The following GFRA1 variants were observed in gnomAD, a reference collection of about 807,000 sequenced individuals.
The protein encoded by GFRA1 is GDNF family receptor alpha-1.
Under a neutral mutation model 51.6 loss-of-function variants are expected in GFRA1, and 16 were observed. The ratio of observed to expected loss-of-function variants is 0.31; its 90% CI spans 0.21 to 0.47. GFRA1 has a LOEUF of 0.47. Among genes scored for constraint, GFRA1 ranks in the 20% least tolerant of loss-of-function variants. The pLI is 1.00. For synonymous variants in GFRA1, 270 were observed against 241.3 expected (o/e 1.12, Z -1.10); for missense variants, 530 against 594.3 (o/e 0.89, Z 1.13).
chr10:116,080,756 G>C (rs1247543869), intron 9 of GFRA1, among the ~76,000 whole-genome samples: 1 of 152,112 alleles, frequency 6.6e-6, no homozygotes, highest in Admixed American at 6.5e-5. Context: ...ACCAACCATG[G>C]GTCACAGGGT....
chr10:116,086,352 G>C (rs1018195757), intron 9 of GFRA1, among the ~76,000 whole-genome samples: 2 of 152,186 alleles, frequency 1.3e-5, no homozygotes, highest in Middle Eastern at 3.2e-3. Context: ...ACACCAAACT[G>C]CATGTGACAT....
chr10:116,097,095 C>G (rs909451369), intron 6 of GFRA1, among the ~76,000 whole-genome samples: 1 of 152,100 alleles, frequency 6.6e-6, no homozygotes, highest in Non-Finnish European at 1.5e-5. Flanking sequence ...TCTGACTAGA[C>G]TTATTTGCAT....
intron 4 of GFRA1, among the ~76,000 whole-genome samples, chr10:116,241,076 C>T (rs1967324038): frequency 6.6e-6 from 1 of 152,042 alleles, no homozygotes; most frequent in Non-Finnish European, 1.5e-5. Flanking sequence ...AAAACAAGCC[C>T]TTAGTTAAGA....
In GFRA1 at chr10:116,058,460, C is replaced by T. The variant is rs1217605597; in HGVS notation, c.*5938G>A. On this transcript the variant is annotated 3_prime_UTR_variant, in exon 11 of 11. Transcript: ENST00000355422. Reference sequence around the variant, plus strand: ...CCTCTGAGGCCCAGAGGAGTGGCTGCCCAAGTGCTCAGAGGTGGCCTTTTA... The same window carrying T: ...CCTCTGAGGCCCAGAGGAGTGGCTGTCCAAGTGCTCAGAGGTGGCCTTTTA... 1 of 152,204 alleles carries T rather than the reference C, an allele frequency of 6.6e-6. No individual in the cohort carries two copies. 9.4% of individuals were successfully genotyped at this position (152,204 alleles called of 1,614,324 possible). A position where few individuals can be genotyped will look rare whatever the true frequency, so the allele number is the denominator to read the frequency against.
intron 9 of GFRA1, among the ~76,000 whole-genome samples, chr10:116,087,539 G>A (rs779442138): frequency 1.3e-5 from 2 of 152,176 alleles, no homozygotes; most frequent in South Asian, 2.1e-4. Flanking sequence ...AACACTGAAC[G>A]CTGCCTCTGC....
chr10:116,186,656 G>A (rs1962750554), intron 5 of GFRA1, among the ~76,000 whole-genome samples: 1 of 151,954 alleles, frequency 6.6e-6, no homozygotes, highest in African/African-American at 2.4e-5. Flanking sequence ...CACATGGGGG[G>A]CGGCGGGAGG....
At chr10:116,248,213 G>C in intron 4 of GFRA1, among the ~76,000 whole-genome samples, 1 of 152,146 alleles carries the variant, frequency 6.6e-6, no homozygotes, top group East Asian at 1.9e-4. Flanking sequence ...AAGAGCAAGG[G>C]AGCAGCCTCA....
intron 4 of GFRA1, among the ~76,000 whole-genome samples, chr10:116,214,426 C>A (rs1448406108): frequency 6.6e-6 from 1 of 152,074 alleles, no homozygotes; most frequent in Admixed American, 6.5e-5. Flanking sequence ...GGAAAGAGGG[C>A]TGGTCTGTCC....
chr10:116,248,081 A>G (rs2134674764), intron 4 of GFRA1, among the ~76,000 whole-genome samples: 1 of 152,312 alleles, frequency 6.6e-6, no homozygotes, highest in East Asian at 1.9e-4. Flanking sequence ...GGTATTTGAC[A>G]TGAGACCAAA....
intron 9 of GFRA1, among the ~76,000 whole-genome samples, chr10:116,089,230 C>T (rs61864911): frequency 0.38 from 57,265 of 151,978 alleles, 13,830 homozygotes; most frequent in Non-Finnish European, 0.56. Flanking sequence ...AGAGCACTTG[C>T]TTTTGCTTCT....
chr10:116,254,906 A>G (rs1215888368), intron 4 of GFRA1, among the ~76,000 whole-genome samples: 1 of 152,198 alleles, frequency 6.6e-6, no homozygotes. Flanking sequence ...CCCTTCCACA[A>G]AAGGATTCTA....
In GFRA1 at chr10:116,269,641, GT is replaced by G. The variant is rs549907424; in HGVS notation, c.335-56del. 3.3e-5 allele frequency: 34 copies of G among 1,041,482 alleles called. No homozygotes were observed. The South Asian group carries it at 3.9e-4, about 12-fold the overall frequency. 64.5% of individuals were successfully genotyped at this position (1,041,482 alleles called of 1,614,324 possible). On this transcript the variant is annotated intron_variant, in intron 3 of 10. Coordinates refer to ENST00000355422, the MANE Select transcript of GFRA1 (RefSeq NM_005264.8). ...TCAGAAAAACATATATTTCAAGCAG[GT>G]TTTTGCTGCTGAATCTGAATTCTAA... is the stretch of plus-strand genomic sequence containing the variant.
At chr10:116,246,011 C>A (rs1367378025) in intron 4 of GFRA1, among the ~76,000 whole-genome samples, 1 of 152,154 alleles carries the variant, frequency 6.6e-6, no homozygotes, top group Non-Finnish European at 1.5e-5. Context: ...ATACATGGCA[C>A]TGTACATTTG....
chr10:116,238,530 A>G (rs1303309308), intron 4 of GFRA1, among the ~76,000 whole-genome samples: 1 of 152,204 alleles, frequency 6.6e-6, no homozygotes, highest in African/African-American at 2.4e-5. Context: ...GAATTTCTAG[A>G]GAACAAGGGA....
chr10:116,190,960 T>C (rs1401177081), intron 5 of GFRA1, among the ~76,000 whole-genome samples: 1 of 152,050 alleles, frequency 6.6e-6, no homozygotes. Flanking sequence ...CTCCCTGAAA[T>C]AAAAAACAAG....
intron 4 of GFRA1, among the ~76,000 whole-genome samples, chr10:116,250,381 G>A (rs563920138): frequency 2.6e-5 from 4 of 152,202 alleles, no homozygotes; most frequent in Non-Finnish European, 4.4e-5. Context: ...AACCATTCTG[G>A]TCTTTAATTC....
intron 4 of GFRA1, among the ~76,000 whole-genome samples, chr10:116,239,661 T>A (rs1967191344): frequency 6.6e-6 from 1 of 152,210 alleles, no homozygotes; most frequent in African/African-American, 2.4e-5. Context: ...GAATTCTTTT[T>A]AAAAAGTAGT....
intron 6 of GFRA1, among the ~76,000 whole-genome samples, chr10:116,112,968 C>A (rs935911134): frequency 6.6e-6 from 1 of 152,168 alleles, no homozygotes; most frequent in Non-Finnish European, 1.5e-5. Context: ...AGTCTTCCAG[C>A]CCAAGATTAC....
chr10:116,074,076 T>C (rs1955516755), intron 9 of GFRA1, among the ~76,000 whole-genome samples: 1 of 152,190 alleles, frequency 6.6e-6, no homozygotes, highest in South Asian at 2.1e-4. Flanking sequence ...CTGTCACAAA[T>C]AGCCTTCACC....
Sources: allele counts gnomAD v4.1 joint callset (sites outside exome capture counted in the v4.1 genomes callset), GRCh38; gene constraint gnomAD v4.1.1; transcripts MANE v1.5; gene names NCBI Gene and HGNC (gene_info 2026-07-23, HGNC 2026-07-21).